RBFOX1: variants seen among roughly 807,000 people sequenced by gnomAD.
RBFOX1 encodes RNA binding fox-1 homolog 1.
RBFOX1 carries 8 observed loss-of-function variants against 57.7 expected under a neutral mutation model. The observed-to-expected ratio is 0.14, with a 90% CI of 0.08 to 0.25. The LOEUF (loss-of-function observed/expected upper bound fraction) is 0.25. Ranked by LOEUF, RBFOX1 falls within the 10% of genes least tolerant of loss-of-function variation. The pLI is 1.00. For synonymous variants in RBFOX1, 326 were observed against 222.4 expected, an observed-to-expected ratio of 1.47 and a Z score of -4.15; for missense variants, 611 against 548.5, an observed-to-expected ratio of 1.11 and a Z score of -1.14.
chr16:7,195,324 T>G (rs2086429618), intron 4 of RBFOX1, among the ~76,000 whole-genome samples: 1 of 152,196 alleles, frequency 6.6e-6, no homozygotes, highest in Admixed American at 6.5e-5. Context: ...AAGTCTTGGT[T>G]GCAGTGTCTT....
chr16:5,481,780 G>A (rs745446624), intron 2 of RBFOX1, among the ~76,000 whole-genome samples: 5 of 152,124 alleles, frequency 3.3e-5, no homozygotes, highest in African/African-American at 7.2e-5. Flanking sequence ...CAGCATGTTG[G>A]TTCCTTCTGA....
chr16:5,918,274 C>T (rs2058750843), intron 4 of RBFOX1, among the ~76,000 whole-genome samples: 1 of 152,172 alleles, frequency 6.6e-6, no homozygotes, highest in Non-Finnish European at 1.5e-5. Context: ...CAGCTGCCAC[C>T]ATGCCTGGCT....
intron 1 of RBFOX1, among the ~76,000 whole-genome samples, chr16:6,089,318 A>C (rs979658838): frequency 6.6e-6 from 1 of 152,156 alleles, no homozygotes; most frequent in Non-Finnish European, 1.5e-5. Context: ...GGATAGATGA[A>C]CATGCATTAG....
intron 3 of RBFOX1, among the ~76,000 whole-genome samples, chr16:6,806,171 C>T (rs954561574): frequency 6.6e-6 from 1 of 152,058 alleles, no homozygotes; most frequent in Admixed American, 6.6e-5. Context: ...ATAGAATTGC[C>T]ACAGGTCACA....
rs57128710 is a variant in RBFOX1 at position 7,140,157 on chromosome 16, CCTCTCTCTCTCTCTCT to C, written c.27+88081_27+88096del. On this transcript the variant is annotated intron_variant, in intron 4 of 15. Coordinates refer to ENST00000550418, the MANE Select transcript of RBFOX1 (RefSeq NM_018723.4). The stretch of plus-strand genomic sequence containing the variant: ...CATTCTCTTATTCTCTCCTTCTCTC[CCTCTCTCTCTCTCTCT>C]CTCTCTCTCTCTCTCTCTCTCCCTC... Among the ~76,000 whole-genome samples the C allele has an allele frequency of 1.8e-4, 13 of 70,888 alleles. No homozygotes were observed. The South Asian group carries it at 2.9e-3, about 16-fold the overall frequency. 46.5% of individuals were successfully genotyped at this position (70,888 alleles called of 152,430 possible). A position where few individuals can be genotyped will look rare whatever the true frequency, so the allele number is the denominator to read the frequency against.
intron 3 of RBFOX1, among the ~76,000 whole-genome samples, chr16:5,680,594 T>C (rs1372523610): frequency 6.6e-6 from 1 of 152,186 alleles, no homozygotes; most frequent in Non-Finnish European, 1.5e-5. Context: ...GGCATGGATT[T>C]AGCAGTCATA....
At chr16:5,756,857 C>T (rs898994006) in intron 3 of RBFOX1, among the ~76,000 whole-genome samples, 2 of 152,072 alleles carry the variant, frequency 1.3e-5, no homozygotes, top group Non-Finnish European at 2.9e-5. Context: ...GTGTTTATTG[C>T]ATGCAGAAAC....
At chr16:6,580,126 C>A (rs1443080091) in intron 2 of RBFOX1, among the ~76,000 whole-genome samples, 1 of 151,812 alleles carries the variant, frequency 6.6e-6, no homozygotes, top group East Asian at 1.9e-4. Flanking sequence ...ACCTAGCTAA[C>A]TTTTGTGTTT....
chr16:6,158,414 C>T (rs1597889829), intron 1 of RBFOX1, among the ~76,000 whole-genome samples: 1 of 152,178 alleles, frequency 6.6e-6, no homozygotes, highest in Admixed American at 6.5e-5. Context: ...GTTCCAGTCT[C>T]GCCGTGCCTG....
intron 1 of RBFOX1, among the ~76,000 whole-genome samples, chr16:6,089,154 C>T (rs184482824): frequency 8.6e-5 from 13 of 151,686 alleles, no homozygotes; most frequent in African/African-American, 2.9e-4. Flanking sequence ...ACCAAGTGAT[C>T]ATTTATAAGA....
At chr16:6,296,475 C>A (rs1439728187) in intron 1 of RBFOX1, among the ~76,000 whole-genome samples, 3 of 150,478 alleles carry the variant, frequency 2.0e-5, no homozygotes, top group Non-Finnish European at 4.4e-5. Context: ...GGCCGGAGTG[C>A]AATGGCGGGA....
rs1032155026 is a variant in RBFOX1 at position 6,626,753 on chromosome 16, C to T, written c.-63-27850C>T. Among the ~76,000 whole-genome samples the T allele has an allele frequency of 6.6e-5, 10 of 150,976 alleles. No individual in the cohort carries two copies. In the South Asian group the frequency reaches 1.3e-3, roughly 19 times the overall value. On this transcript the variant is annotated intron_variant, in intron 2 of 15. Transcript: ENST00000550418. The stretch of plus-strand genomic sequence containing the variant: ...CCAGCCTGGATGACAGAGTGAGACT[C>T]CATCTTAATAAATAAATAAAATAAA...
rs142764574 is a variant in RBFOX1 at position 5,627,418 on chromosome 16, G to GGTGT, written c.318+28472_318+28475dup. Among the ~76,000 whole-genome samples, 35 of 150,586 alleles carry GGTGT rather than the reference G, an allele frequency of 2.3e-4. No individual in the cohort carries two copies. In the South Asian group the frequency reaches 5.9e-3, roughly 25 times the overall value. On this transcript the variant is annotated intron_variant, in intron 3 of 19. Coordinates refer to the RBFOX1 transcript ENST00000641259. ...TGCCTTTTAACCATAGTGATCTTGG[G>GGTGT]GTGTGTGTGTGTGTGTGTCCCAAAG...
chr16:7,552,819 A>T (rs1354402914), intron 5 of RBFOX1, among the ~76,000 whole-genome samples: 1 of 151,982 alleles, frequency 6.6e-6, no homozygotes, highest in East Asian at 1.9e-4. Context: ...AGTAGCTGGG[A>T]TTACAGTTTC....
In RBFOX1 at chr16:6,827,841, GT is replaced by G. The variant is rs2092342334; in HGVS notation, c.-16+173192del. On this transcript the variant is annotated intron_variant, in intron 3 of 15. Transcript: ENST00000550418. ...AGGAATGCCTGCCTTGAAACCTCAG[GT>G]CCTTCTGTTCCCCCTCTTAGAGCAC... 3.3e-5 allele frequency among the ~76,000 whole-genome samples: 5 copies of G among 152,286 alleles called. No homozygotes were observed. In the South Asian group the frequency reaches 8.3e-4, roughly 25 times the overall value.
intron 3 of RBFOX1, among the ~76,000 whole-genome samples, chr16:5,768,636 C>T (rs1303905887): frequency 1.3e-5 from 2 of 152,184 alleles, no homozygotes; most frequent in Non-Finnish European, 2.9e-5. Context: ...AAAATCTGCT[C>T]TTCTGTGCAT....
At chr16:5,312,451 T>A (rs1439054718) in intron 1 of RBFOX1, among the ~76,000 whole-genome samples, 1 of 152,204 alleles carries the variant, frequency 6.6e-6, no homozygotes, top group African/African-American at 2.4e-5. Context: ...CCTGAGTAGC[T>A]GGGATTACAG....
intron 3 of RBFOX1, among the ~76,000 whole-genome samples, chr16:7,047,277 C>T (rs925133232): frequency 2.7e-4 from 41 of 152,144 alleles, no homozygotes; most frequent in African/African-American, 9.4e-4. Context: ...TTTCATATTT[C>T]ACCTTCATTT....
At chr16:6,895,403 A>C (rs751081743) in intron 3 of RBFOX1, among the ~76,000 whole-genome samples, 2 of 137,178 alleles carry the variant, frequency 1.5e-5, no homozygotes, top group African/African-American at 5.5e-5. Context: ...CTCAGCCACT[A>C]GTTGTTAGTA....
Sources: gnomAD v4.1 joint callset for allele counts (sites outside exome capture counted in the v4.1 genomes callset) on GRCh38, gnomAD v4.1.1 for gene constraint, MANE v1.5 for transcripts, NCBI Gene and HGNC (gene_info 2026-07-23, HGNC 2026-07-21) for gene names.